LAIR1: variants seen among roughly 807,000 people sequenced by gnomAD.
LAIR1 encodes the protein leukocyte associated immunoglobulin like receptor 1.
A neutral mutation model predicts 32.8 loss-of-function variants in LAIR1; 24 were observed. The ratio of observed to expected loss-of-function variants is 0.73; its 90% CI spans 0.53 to 1.03. The LOEUF is 1.03. LAIR1 is among the 50% of genes least tolerant of loss of function. LAIR1 has a pLI of 0.00. For missense variants in LAIR1, 355 were observed against 347.5 expected, an observed-to-expected ratio of 1.02 and a Z score of -0.17; for synonymous variants, 150 against 140.5, an observed-to-expected ratio of 1.07 and a Z score of -0.48.
At position 54,356,542 on chromosome 19, in the gene LAIR1, G is replaced by C; in HGVS notation, c.532C>G (p.Leu178Val). The change falls in exon 6 of 10, where the codon CTC (leucine) becomes GTC (valine). Residue 178 changes from leucine (L) to valine (V), a missense_variant. By Grantham distance (32) the Leu-to-Val change is conservative. Transcript: ENST00000391742. The part of the protein sequence containing the change: ...IGVSVVFLFC[L>V]LLLVLFCLHR... The stretch of plus-strand genomic sequence containing the variant: ...AGGCAGAAGAGGACCAGGAGGAGGA[G>C]ACAGAAGAGGAAGACCACTGAGACC... 1.2e-6 allele frequency: 2 copies of C among 1,614,004 alleles called. No homozygotes were observed. Among genetic ancestry groups the C allele is most frequent in the Non-Finnish European group, 1.7e-6 (2 of 1,179,990 alleles).
upstream of LAIR1, among the ~76,000 whole-genome samples, chr19:54,372,297 T>A (rs967154341): frequency 1.3e-5 from 2 of 151,314 alleles, no homozygotes; most frequent in Non-Finnish European, 2.9e-5. Context: ...GGCCAGTATG[T>A]GGTATTGTCT....
In LAIR1 at chr19:54,356,916, C is replaced by T. The variant is rs1302980766; in HGVS notation, c.454+12G>A. Reference sequence around the variant, plus strand: ...CACACCAGCTTCATGCTCCACGGCCCCCATCACTCACGCTCATTGTGACTG... The same window carrying T: ...CACACCAGCTTCATGCTCCACGGCCTCCATCACTCACGCTCATTGTGACTG... On this transcript the variant is annotated intron_variant, in intron 5 of 9. Coordinates refer to ENST00000391742, the MANE Select transcript of LAIR1 (RefSeq NM_002287.6). 3.7e-6 allele frequency: 6 copies of T among 1,613,744 alleles called. No individual in the cohort carries two copies. The African/African-American group carries it at 8.0e-5, about 22-fold the overall frequency.
intron 4 of LAIR1, chr19:54,358,397 AAT>A (rs1167186423): frequency 0.82 from 161,956 of 197,132 alleles, 67,019 homozygotes; most frequent in Non-Finnish European, 0.87. Context: ...ATATATATAT[AAT>A]ATATATATAT....
chr19:54,371,474 T>G (rs2013759390), upstream of LAIR1, among the ~76,000 whole-genome samples: 2 of 151,116 alleles, frequency 1.3e-5, no homozygotes, highest in Admixed American at 6.6e-5. Context: ...AATTTTTGTA[T>G]GTTTAGTAGA....
upstream of LAIR1, among the ~76,000 whole-genome samples, chr19:54,374,425 C>T (rs2082468676): frequency 2.0e-5 from 3 of 152,050 alleles, 1 homozygote; most frequent in Admixed American, 2.0e-4. Flanking sequence ...TTCTGGAGTT[C>T]GATGAAGGAC....
At position 54,358,489 on chromosome 19, in the gene LAIR1, A is replaced by G. The variant is rs757453011; in HGVS notation, c.416-1523T>C. On this transcript the variant is annotated intron_variant, in intron 4 of 9. Coordinates refer to ENST00000391742, the MANE Select transcript of LAIR1 (RefSeq NM_002287.6). The stretch of plus-strand genomic sequence containing the variant: ...TTGCAAATCATATATTTTTATCTGT[A>G]TATGCATGTATGGGAATCAGTGCAT... 7 of 1,528,192 alleles carry G rather than the reference A, an allele frequency of 4.6e-6. No homozygotes were observed. In the East Asian group the frequency reaches 1.2e-4, roughly 25 times the overall value. 94.7% of individuals were successfully genotyped at this position (1,528,192 alleles called of 1,614,324 possible). A position where few individuals can be genotyped will look rare whatever the true frequency, so the allele number is the denominator to read the frequency against.
upstream of LAIR1, among the ~76,000 whole-genome samples, chr19:54,366,031 T>C (rs1171731100): frequency 6.6e-6 from 1 of 152,082 alleles, no homozygotes; most frequent in African/African-American, 2.4e-5. Context: ...AGAGACCAAG[T>C]ACTGCATGAT....
At chr19:54,356,649 G>A in intron 5 of LAIR1, 30 bp from the exon 6 acceptor site, 3 of 1,611,672 alleles carry the variant, frequency 1.9e-6, no homozygotes, top group Non-Finnish European at 2.5e-6. Context: ...GATTTCAGCA[G>A]TGTGCATTTA....
chr19:54,367,509 G>A (rs1322774527), upstream of LAIR1, among the ~76,000 whole-genome samples: 1 of 152,036 alleles, frequency 6.6e-6, no homozygotes, highest in Non-Finnish European at 1.5e-5. Context: ...CATTTTGGGA[G>A]GCCGAGGTGG....
Position 54,354,903 on chromosome 19 carries a change from A to T in LAIR1, c.*365T>A. The T allele has an allele frequency of 4.9e-6, 1 of 202,376 alleles. No individual in the cohort carries two copies. Among genetic ancestry groups the T allele is most frequent in the Non-Finnish European group, 9.9e-6 (1 of 101,370 alleles). 12.5% of individuals were successfully genotyped at this position (202,376 alleles called of 1,614,324 possible). ...TGGAGGTGGCATCACTGCTCAGGAAATCGGCTGATTGGCTGTAGCTGGGCC... is the reference window on the plus strand; with the variant it reads ...TGGAGGTGGCATCACTGCTCAGGAATTCGGCTGATTGGCTGTAGCTGGGCC... On this transcript the variant is annotated 3_prime_UTR_variant, in exon 10 of 10. Transcript: ENST00000391742.
chr19:54,364,249 G>A lies in LAIR1; in HGVS notation c.70+46C>T, dbSNP rs545060057. ...ATCACTCCCACCCAGCACTGCCCTT[G>A]GGGTGACAGAGGGGACTGGGAAGAT... On this transcript the variant is annotated intron_variant, in intron 2 of 9. Transcript: ENST00000391742. The surrounding 1 kb of genome is among the most constrained non-coding windows in gnomAD (Gnocchi z 4.8). 1.3e-6 allele frequency: 2 copies of A among 1,587,556 alleles called. No homozygotes were observed. The highest frequency in any genetic ancestry group is 1.7e-6 in the Non-Finnish European group (2 of 1,156,810).
Position 54,364,322 on chromosome 19 carries a change from G to A in LAIR1, c.43C>T (p.Leu15=), listed in dbSNP as rs974655467. Residue 15 remains leucine (L), a synonymous_variant, in exon 2 of 10, where the codon CTG becomes TTG. Transcript: ENST00000391742. The surrounding 1 kb of genome is among the most constrained non-coding windows in gnomAD (Gnocchi z 4.8). ...PTALLGLVLC[L]AQTIHTQEED... ...TCCTGCGTGTGGATGGTCTGGGCCA[G>A]GCAGAGCACTGGAAGAGAAGCCCCA... 3.1e-6 allele frequency: 5 copies of A among 1,613,792 alleles called. No homozygotes were observed. The highest frequency in any genetic ancestry group is 2.7e-5 in the African/African-American group (2 of 74,880).
upstream of LAIR1, among the ~76,000 whole-genome samples, chr19:54,369,124 A>T (rs143173350): frequency 3.7e-4 from 55 of 149,384 alleles, no homozygotes; most frequent in East Asian, 9.9e-3. Context: ...ACCCCAGCAC[A>T]TCCGCCAAAA....
chr19:54,355,660 C>T lies in LAIR1; in HGVS notation c.718-246G>A, dbSNP rs1291097282. Among the ~76,000 whole-genome samples, 3 of 152,234 alleles carry T rather than the reference C, an allele frequency of 2.0e-5. No individual in the cohort carries two copies. The highest frequency in any genetic ancestry group is 4.4e-5 in the Non-Finnish European group (3 of 68,038). On this transcript the variant is annotated intron_variant, in intron 9 of 9. Transcript: ENST00000391742. This position sits in a 1 kb window ranked among gnomAD's most constrained non-coding sequence, Gnocchi z 4.7. ...TGGTGCTTCTGTCCCCTCCCTGCCACCCATCCTTGGATCCCTCCCTCTGGG... is the reference window on the plus strand; with the variant it reads ...TGGTGCTTCTGTCCCCTCCCTGCCATCCATCCTTGGATCCCTCCCTCTGGG...
At chr19:54,375,649 G>A in the LAIR1 span, among the ~76,000 whole-genome samples, 1 of 151,992 alleles carries the variant, frequency 6.6e-6, no homozygotes, top group African/African-American at 2.4e-5. Context: ...CGCTGCCTTC[G>A]CCCCATTCAC....
At position 54,355,065 on chromosome 19, in the gene LAIR1, G is replaced by A. The variant is rs938393917; in HGVS notation, c.*203C>T. The A allele has an allele frequency of 2.9e-5, 15 of 519,982 alleles. No individual in the cohort carries two copies. The highest frequency in any genetic ancestry group is 4.3e-4 in the Middle Eastern group (1 of 2,348). 32.2% of individuals were successfully genotyped at this position (519,982 alleles called of 1,614,324 possible). On this transcript the variant is annotated 3_prime_UTR_variant, in exon 10 of 10. Coordinates refer to ENST00000391742, the MANE Select transcript of LAIR1 (RefSeq NM_002287.6). This position sits in a 1 kb window ranked among gnomAD's most constrained non-coding sequence, Gnocchi z 4.7. Reference sequence around the variant, plus strand: ...AAACAGTCTGTCCAAGGAGCTGCTCGATTGTAGAAGGGACCACCTGGCTAA... The same window carrying A: ...AAACAGTCTGTCCAAGGAGCTGCTCAATTGTAGAAGGGACCACCTGGCTAA...
upstream of LAIR1, among the ~76,000 whole-genome samples, chr19:54,366,938 A>C (rs1569207978): frequency 6.6e-6 from 1 of 152,314 alleles, no homozygotes; most frequent in Non-Finnish European, 1.5e-5. Flanking sequence ...AAATTTGCGG[A>C]CTAGCCACAT....
In LAIR1 at chr19:54,364,195, G is replaced by A. The variant is rs2082151657; in HGVS notation, c.70+100C>T. On this transcript the variant is annotated intron_variant, in intron 2 of 9. Coordinates refer to ENST00000391742, the MANE Select transcript of LAIR1 (RefSeq NM_002287.6). This position sits in a 1 kb window ranked among gnomAD's most constrained non-coding sequence, Gnocchi z 4.8. The stretch of plus-strand genomic sequence containing the variant: ...TTTGCAATCTAGGGTATATTTAAAG[G>A]GATCTCTCCAGGCCCTCTAAGAATC... 1 of 1,365,962 alleles carries A rather than the reference G, an allele frequency of 7.3e-7. No individual in the cohort carries two copies. Among genetic ancestry groups the A allele is most frequent in the African/African-American group, 1.5e-5 (1 of 68,888 alleles). 84.6% of individuals were successfully genotyped at this position (1,365,962 alleles called of 1,614,324 possible).
upstream of LAIR1, among the ~76,000 whole-genome samples, chr19:54,371,711 A>T (rs1312181033): frequency 1.3e-5 from 2 of 151,618 alleles, no homozygotes; most frequent in Non-Finnish European, 2.9e-5. Context: ...TGAAATCATC[A>T]TTCAAAATTC....
Sources: allele counts gnomAD v4.1 joint callset (sites outside exome capture counted in the v4.1 genomes callset), GRCh38; gene constraint gnomAD v4.1.1; non-coding constraint Gnocchi (gnomAD v3.1); transcripts MANE v1.5; gene names NCBI Gene and HGNC (gene_info 2026-07-23, HGNC 2026-07-21).